Variants in FHOD3 observed in about 807,000 individuals in gnomAD.
FHOD3 encodes the protein FH1/FH2 domain-containing protein 3.
In FHOD3, 90 loss-of-function variants were observed where a neutral mutation model predicts 173.0. The ratio of observed to expected loss-of-function variants is 0.52; its 90% CI spans 0.44 to 0.62. The LOEUF is 0.62. Ranked by LOEUF, FHOD3 falls within the 20% of genes least tolerant of loss-of-function variation. The pLI, the probability that FHOD3 is intolerant of heterozygous loss-of-function variation, is 0.00. For missense variants in FHOD3, 1,945 were observed against 2,034.7 expected (o/e 0.96, Z 0.85); for synonymous variants, 828 against 823.0 (o/e 1.01, Z -0.10).
intron 2 of FHOD3, among the ~76,000 whole-genome samples, chr18:36,365,256 AAAAT>A (rs2046841705): frequency 6.6e-6 from 1 of 152,232 alleles, no homozygotes; most frequent in Admixed American, 6.5e-5. Flanking sequence ...ACAAGAGAAA[AAAAT>A]AGTTTGGACT....
intron 5 of FHOD3, among the ~76,000 whole-genome samples, chr18:36,543,241 A>G (rs531166086): frequency 3.4e-4 from 51 of 149,620 alleles, no homozygotes; most frequent in African/African-American, 1.2e-3. Flanking sequence ...AAATCTATAT[A>G]TAGTGTGTAT....
intron 21 of FHOD3, among the ~76,000 whole-genome samples, chr18:36,741,925 A>G (rs1394089111): frequency 6.6e-6 from 1 of 152,004 alleles, no homozygotes. Flanking sequence ...TCAAGCAGAG[A>G]GGAAGACACC....
intron 16 of FHOD3, among the ~76,000 whole-genome samples, chr18:36,688,185 G>A (rs572562859): frequency 4.3e-4 from 65 of 152,346 alleles, no homozygotes; most frequent in African/African-American, 1.5e-3. Context: ...TTCACCCCCA[G>A]CTCTTTATAG....
At chr18:36,579,902 G>A (rs900019696) in intron 6 of FHOD3, among the ~76,000 whole-genome samples, 2 of 151,792 alleles carry the variant, frequency 1.3e-5, no homozygotes, top group Non-Finnish European at 2.9e-5. Flanking sequence ...AAAAGAGGGA[G>A]GAGAAGGACC....
At chr18:36,766,533 G>A (rs2043144501) in intron 27 of FHOD3, among the ~76,000 whole-genome samples, 1 of 152,192 alleles carries the variant, frequency 6.6e-6, no homozygotes, top group African/African-American at 2.4e-5. Flanking sequence ...GATGGCTACA[G>A]TGTGGGTGCA....
At chr18:36,763,454 G>A (rs1313637515) in intron 27 of FHOD3, among the ~76,000 whole-genome samples, 1 of 140,788 alleles carries the variant, frequency 7.1e-6, no homozygotes, top group Admixed American at 7.2e-5. Flanking sequence ...TATAATATGC[G>A]TATTATACAC....
Position 36,746,384 on chromosome 18 carries a change from G to A in FHOD3, c.4042-561G>A, listed in dbSNP as rs76242283. Among the ~76,000 whole-genome samples the A allele has an allele frequency of 4.6e-5, 7 of 152,312 alleles. No individual in the cohort carries two copies. The East Asian group carries it at 1.4e-3, about 29-fold the overall frequency. On this transcript the variant is annotated intron_variant, in intron 23 of 28. Coordinates refer to ENST00000590592, the MANE Select transcript of FHOD3 (RefSeq NM_001281740.3). ...CATTTGTGTTTATGTTCAATGCCTG[G>A]CTTAGAGACTGGTGTATGCTAGTTT...
intron 6 of FHOD3, among the ~76,000 whole-genome samples, chr18:36,579,761 TC>T (rs2058778131): frequency 6.6e-6 from 1 of 152,122 alleles, no homozygotes; most frequent in Non-Finnish European, 1.5e-5. Flanking sequence ...ATCTGGGACT[TC>T]CCAGCCTCCA....
At chr18:36,441,277 G>A (rs928275842) in intron 3 of FHOD3, among the ~76,000 whole-genome samples, 4 of 152,192 alleles carry the variant, frequency 2.6e-5, no homozygotes, top group African/African-American at 4.8e-5. Flanking sequence ...ACCTGCATGA[G>A]CCAGGCATTG....
At chr18:36,336,091 C>G (rs887500002) in intron 1 of FHOD3, among the ~76,000 whole-genome samples, 2 of 152,166 alleles carry the variant, frequency 1.3e-5, no homozygotes, top group Non-Finnish European at 1.5e-5. Context: ...AAGGATTACT[C>G]TCTGTCTAAA....
chr18:36,653,320 C>T lies in FHOD3; in HGVS notation c.1647-22C>T, dbSNP rs187648216. On this transcript the variant is annotated intron_variant, in intron 12 of 28. Coordinates refer to ENST00000590592, the MANE Select transcript of FHOD3 (RefSeq NM_001281740.3). Reference sequence around the variant, plus strand: ...CTATCTTTCCGTGCCACATTGTGAGCGGGCTTTTCTTCCTTTGACAGTTCC... The same window carrying T: ...CTATCTTTCCGTGCCACATTGTGAGTGGGCTTTTCTTCCTTTGACAGTTCC... The T allele has an allele frequency of 1.6e-4, 246 of 1,516,166 alleles. No individual in the cohort carries two copies. The African/African-American group carries it at 2.5e-3, about 15-fold the overall frequency. The allele number at this position is 1,516,166 out of a possible 1,614,324, so 93.9% of individuals were successfully genotyped here. A position where few individuals can be genotyped will look rare whatever the true frequency, so the allele number is the denominator to read the frequency against.
At chr18:36,569,634 A>T (rs1219139557) in intron 5 of FHOD3, among the ~76,000 whole-genome samples, 1 of 152,170 alleles carries the variant, frequency 6.6e-6, no homozygotes, top group Admixed American at 6.5e-5. Context: ...GAGAATACAT[A>T]TTACTTTCAA....
chr18:36,546,286 C>T (rs1457647447), intron 5 of FHOD3, among the ~76,000 whole-genome samples: 1 of 152,180 alleles, frequency 6.6e-6, no homozygotes, highest in Non-Finnish European at 1.5e-5. Context: ...TACTTAATGG[C>T]ACCTTGGCCT....
intron 28 of FHOD3, among the ~76,000 whole-genome samples, chr18:36,773,775 T>C (rs2043501393): frequency 6.6e-6 from 1 of 152,032 alleles, no homozygotes; most frequent in African/African-American, 2.4e-5. Flanking sequence ...CCCACCTCAC[T>C]CCCCACCACA....
At chr18:36,747,179 T>C (rs779040533) in intron 24 of FHOD3, 44 bp downstream of exon 24, 1 of 1,456,114 alleles carries the variant, frequency 6.9e-7, no homozygotes, top group East Asian at 2.4e-5. Flanking sequence ...TACAATGGCA[T>C]ATTGAAAAAT....
intron 2 of FHOD3, among the ~76,000 whole-genome samples, chr18:36,366,707 CT>C (rs1212301043): frequency 6.6e-6 from 1 of 152,170 alleles, no homozygotes; most frequent in Admixed American, 6.5e-5. Context: ...TAGCACTGTC[CT>C]TTTACTAGCT....
At chr18:36,338,602 A>C (rs2670671) in intron 1 of FHOD3, among the ~76,000 whole-genome samples, 116,000 of 152,054 alleles carry the variant, frequency 0.76, 44,414 homozygotes, top group Middle Eastern at 0.84. Flanking sequence ...CTGAGGCTGG[A>C]TTTCTTTATC....
Position 36,740,806 on chromosome 18 carries a change from G to A in FHOD3, c.3727G>A (p.Ala1243Thr), listed in dbSNP as rs202146466. The A allele has an allele frequency of 1.0e-4, 169 of 1,612,848 alleles. No individual in the cohort carries two copies. The highest frequency in any genetic ancestry group is 1.3e-4 in the Non-Finnish European group (153 of 1,179,738). ...SELSARLHLW[A>T]FKMDYETTEK... The stretch of plus-strand genomic sequence containing the variant: ...GCTCTCTGCACGACTTCACCTCTGG[G>A]CATTCAAAATGGATTATGAAACTAC... The change falls in exon 21 of 29, where the codon GCA (alanine) becomes ACA (threonine). Residue 1243 changes from alanine (A) to threonine (T), a missense_variant. Around this residue, in one of 5 missense-constraint regions of FHOD3, gnomAD observed 231 missense variants for 321.9 expected, o/e 0.72. Coordinates refer to ENST00000590592, the MANE Select transcript of FHOD3 (RefSeq NM_001281740.3).
chr18:36,703,796 G>A (rs992511060), intron 17 of FHOD3, among the ~76,000 whole-genome samples: 11 of 152,132 alleles, frequency 7.2e-5, no homozygotes, highest in African/African-American at 1.9e-4. Context: ...CTCATTTTGC[G>A]ACCTGCATGA....
Sources: allele counts gnomAD v4.1 joint callset (sites outside exome capture counted in the v4.1 genomes callset), GRCh38; gene constraint gnomAD v4.1.1; regional missense constraint gnomAD v4.1.1; transcripts MANE v1.5; gene names NCBI Gene and HGNC (gene_info 2026-07-23, HGNC 2026-07-21).